The following HS6ST2 variants were observed in gnomAD, a reference collection of about 807,000 sequenced individuals.
HS6ST2 encodes the protein heparan sulfate 6-O-sulfotransferase 2.
In HS6ST2, 17 loss-of-function variants were observed where a neutral mutation model predicts 33.0. That is an observed-to-expected ratio of 0.52 (90% CI 0.35 to 0.77). The LOEUF (loss-of-function observed/expected upper bound fraction) is 0.77. HS6ST2 is among the 30% of genes least tolerant of loss of function. The probability of loss-of-function intolerance (pLI) is 0.01; values close to 1 mark genes in which losing one functional copy is unlikely to be tolerated. For synonymous variants in HS6ST2, 248 were observed against 237.1 expected (o/e 1.05, Z -0.42); for missense variants, 519 against 551.7 (o/e 0.94, Z 0.59).
intron 2 of HS6ST2, among the ~76,000 whole-genome samples, chrX:132,896,626 C>T (rs1447865657): frequency 1.8e-5 from 2 of 111,354 alleles, no homozygotes; most frequent in Non-Finnish European, 3.8e-5. Flanking sequence ...GGGATGGATA[C>T]CCCATTTTAC....
chrX:132,887,854 A>G (rs2066267758), intron 2 of HS6ST2, among the ~76,000 whole-genome samples: 1 of 112,424 alleles, frequency 8.9e-6, no homozygotes, highest in South Asian at 3.7e-4. Context: ...ATGATGCCAC[A>G]TGCACAAACC....
rs376491624 is a variant in HS6ST2 at position 132,945,332 on chromosome X, G to A, written c.947+11476C>T. 2.0e-3 allele frequency among the ~76,000 whole-genome samples: 219 copies of A among 111,572 alleles called. 1 individual carries two copies. The highest frequency in any genetic ancestry group is 6.6e-3 in the African/African-American group (204 of 30,731). ...ACCATCTCACACCAGTTAGAATGGC[G>A]ATCATTAAAAAGTCAAGAAACAACA... On this transcript the variant is annotated intron_variant, in intron 2 of 4. Transcript: ENST00000370833.
chrX:132,889,176 T>C (rs1402118427), intron 2 of HS6ST2, among the ~76,000 whole-genome samples: 1 of 110,389 alleles, frequency 9.1e-6, no homozygotes, highest in African/African-American at 3.3e-5. Context: ...CAAGAGAGCA[T>C]TCAAGCAGTA....
At chrX:132,793,502 T>C (rs1394180549) in intron 2 of HS6ST2, among the ~76,000 whole-genome samples, 1 of 111,742 alleles carries the variant, frequency 8.9e-6, no homozygotes, top group African/African-American at 3.3e-5. Flanking sequence ...ATGGTTCCCA[T>C]CTTCCTCCTG....
intron 2 of HS6ST2, among the ~76,000 whole-genome samples, chrX:132,820,146 G>A (rs772263717): frequency 2.7e-5 from 3 of 110,887 alleles, no homozygotes; most frequent in African/African-American, 9.8e-5. Context: ...TAGGCACCTC[G>A]AGCCTCCCCA....
At chrX:132,759,027 C>T (rs1229278456) in intron 2 of HS6ST2, among the ~76,000 whole-genome samples, 2 of 111,686 alleles carry the variant, frequency 1.8e-5, no homozygotes, top group Non-Finnish European at 3.8e-5. Flanking sequence ...AATAGACAAC[C>T]AGGAGCTTCA....
At chrX:132,836,257 C>A (rs1021329176) in intron 2 of HS6ST2, among the ~76,000 whole-genome samples, 2 of 112,383 alleles carry the variant, frequency 1.8e-5, no homozygotes. Flanking sequence ...ATCACATAGT[C>A]CTCGCCTTCA....
intron 4 of HS6ST2, among the ~76,000 whole-genome samples, chrX:132,655,284 C>T (rs187248906): frequency 8.8e-4 from 99 of 112,064 alleles, no homozygotes; most frequent in African/African-American, 2.8e-3. Context: ...GGGAGAGATG[C>T]CCTCAGGTTG....
intron 2 of HS6ST2, among the ~76,000 whole-genome samples, chrX:132,712,537 C>G (rs2148254185): frequency 8.9e-6 from 1 of 111,950 alleles, no homozygotes; most frequent in South Asian, 3.8e-4. Context: ...AGCTGCTGGT[C>G]TTTTTTACTT....
intron 2 of HS6ST2, among the ~76,000 whole-genome samples, chrX:132,828,711 C>T (rs1190047182): frequency 0.46 from 36,897 of 80,051 alleles, 9,054 homozygotes; most frequent in African/African-American, 0.63. Context: ...CACACACACA[C>T]ACACACACAC....
At chrX:132,920,340 T>C (rs1368523171) in intron 2 of HS6ST2, among the ~76,000 whole-genome samples, 1 of 110,301 alleles carries the variant, frequency 9.1e-6, no homozygotes, top group African/African-American at 3.3e-5. Context: ...CTGCATCCCA[T>C]TCCCAGGACA....
chrX:132,957,347 T>C, intron 1 of HS6ST2, 21 bp from the exon 2 acceptor site: 2 of 1,144,097 alleles, frequency 1.7e-6, no homozygotes, highest in Non-Finnish European at 1.2e-6. Flanking sequence ...CCCAAGCTCG[T>C]TACGTCAATC....
Position 132,942,774 on chromosome X carries a change from G to T in HS6ST2, c.947+14034C>A, listed in dbSNP as rs184053839. Among the ~76,000 whole-genome samples, 25 of 112,062 alleles carry T rather than the reference G, an allele frequency of 2.2e-4. No homozygotes were observed. The Admixed American group carries it at 2.3e-3, about 10-fold the overall frequency. ...CAGCAAAAAGCAATGGTCATTTATA[G>T]AAACAGGTCACAATTGGTCAAAGCA... On this transcript the variant is annotated intron_variant, in intron 2 of 4. Coordinates refer to ENST00000370833, the MANE Select transcript of HS6ST2 (RefSeq NM_001394073.1).
chrX:132,839,434 A>C (rs192102574), intron 2 of HS6ST2, among the ~76,000 whole-genome samples: 8 of 69,567 alleles, frequency 1.1e-4, no homozygotes, highest in Admixed American at 1.0e-3. Flanking sequence ...ATCTTATGTC[A>C]AACAACTCAG....
chrX:132,923,062 C>CAAAAAAAAA (rs34136355), intron 2 of HS6ST2, among the ~76,000 whole-genome samples: 1 of 47,610 alleles, frequency 2.1e-5, no homozygotes, highest in African/African-American at 8.2e-5. Flanking sequence ...GACTCTGTCT[C>CAAAAAAAAA]AAAAAAAAAA....
intron 3 of HS6ST2, among the ~76,000 whole-genome samples, chrX:132,673,956 C>A (rs187500464): frequency 8.9e-6 from 1 of 112,062 alleles, no homozygotes; most frequent in East Asian, 2.8e-4. Context: ...GCTGATAATA[C>A]TTTCGCATTT....
rs781019195 is a variant in HS6ST2, at chrX:132,958,604, C to T, written c.-2G>A. 1.2e-4 allele frequency: 142 copies of T among 1,162,334 alleles called. No individual in the cohort carries two copies. Among genetic ancestry groups the T allele is most frequent in the Non-Finnish European group, 1.6e-4 (139 of 869,624 alleles). ...GACTGCACACGCAGGCAGTGCCATT[C>T]CCCCCTTCAGGCAACTCAGGGTACT... On this transcript the variant is annotated 5_prime_UTR_variant, in exon 1 of 5. Transcript: ENST00000370833.
chrX:132,756,820 GGT>G (rs3065679), intron 2 of HS6ST2, among the ~76,000 whole-genome samples: 2,711 of 96,691 alleles, frequency 0.028, 56 homozygotes, highest in African/African-American at 0.071. Flanking sequence ...CCCTGTGCAT[GGT>G]GTGTGTGTGT....
At chrX:132,733,652 C>G (rs2064479491) in intron 2 of HS6ST2, among the ~76,000 whole-genome samples, 1 of 110,877 alleles carries the variant, frequency 9.0e-6, no homozygotes, top group African/African-American at 3.3e-5. Flanking sequence ...TTCAGAACAG[C>G]AAAAAGCTTT....
Sources: allele counts gnomAD v4.1 joint callset (sites outside exome capture counted in the v4.1 genomes callset), GRCh38; gene constraint gnomAD v4.1.1; transcripts MANE v1.5; gene names NCBI Gene and HGNC (gene_info 2026-07-23, HGNC 2026-07-21).